The following DCDC2C variants were observed in gnomAD, a reference collection of about 807,000 sequenced individuals.
The protein encoded by DCDC2C is doublecortin domain containing 2C.
In DCDC2C, 44 loss-of-function variants were observed where a neutral mutation model predicts 45.0. That is an observed-to-expected ratio of 0.98 (90% CI 0.77 to 1.26). The LOEUF (loss-of-function observed/expected upper bound fraction) is 1.26. Ranked by LOEUF, DCDC2C falls within the 50% of genes most tolerant of loss-of-function variation. The pLI is 0.00. For missense variants in DCDC2C, 447 were observed against 468.9 expected, an observed-to-expected ratio of 0.95 and a Z score of 0.43; for synonymous variants, 187 against 178.8, an observed-to-expected ratio of 1.05 and a Z score of -0.37.
chr2:3,780,218 G>A (rs1670472178), intron 9 of DCDC2C, among the ~76,000 whole-genome samples: 1 of 152,142 alleles, frequency 6.6e-6, no homozygotes, highest in African/African-American at 2.4e-5. Flanking sequence ...TAGGCTAAGA[G>A]GGGCAAACAA....
At position 3,703,688 on chromosome 2, in the gene DCDC2C, C is replaced by A; in HGVS notation, c.-64C>A. 2.5e-6 allele frequency: 3 copies of A among 1,216,318 alleles called. No individual in the cohort carries two copies. The highest frequency in any genetic ancestry group is 3.1e-6 in the Non-Finnish European group (3 of 976,980). 75.3% of individuals were successfully genotyped at this position (1,216,318 alleles called of 1,614,324 possible). A position where few individuals can be genotyped will look rare whatever the true frequency, so the allele number is the denominator to read the frequency against. ...GTGCCCGGGCCTGGGCGCGGCTCTG[C>A]AGGCGTCGCTGCCCGCGCTGCCGCA... On this transcript the variant is annotated 5_prime_UTR_variant, in exon 1 of 11. Transcript: ENST00000399143. This position sits in a 1 kb window ranked among gnomAD's most constrained non-coding sequence, Gnocchi z 4.4.
chr2:3,738,497 T>C (rs1235901632), intron 3 of DCDC2C, among the ~76,000 whole-genome samples: 1 of 118,610 alleles, frequency 8.4e-6, no homozygotes, highest in East Asian at 3.0e-4. Flanking sequence ...ATATTCAGCA[T>C]CCCACTCCAA....
At chr2:3,726,816 T>C (rs1291771738) in intron 2 of DCDC2C, among the ~76,000 whole-genome samples, 187 bp from the exon 3 acceptor site, 1 of 151,774 alleles carries the variant, frequency 6.6e-6, no homozygotes, top group Non-Finnish European at 1.5e-5. Context: ...CTTGCTGGCA[T>C]CTTCTCCTCC....
chr2:3,727,011 A>C lies in DCDC2C; in HGVS notation c.348A>C (p.Pro116=), dbSNP rs1668708367. The change falls in exon 3 of 11, where the codon CCA becomes CCC. Residue 116 remains proline (P), a synonymous_variant. Transcript: ENST00000399143. ...AKIRKLKEIK[P]VVHCDINVPS... Reference sequence around the variant, plus strand: ...GTTTTTTCCTTTTTCAGATCAAACCAGTGGTGCATTGTGATATAAATGTGC... The same window carrying C: ...GTTTTTTCCTTTTTCAGATCAAACCCGTGGTGCATTGTGATATAAATGTGC... The C allele has an allele frequency of 6.5e-7, 1 of 1,550,374 alleles. No individual in the cohort carries two copies. The highest frequency in any genetic ancestry group is 1.4e-5 in the African/African-American group (1 of 73,040).
intron 10 of DCDC2C, among the ~76,000 whole-genome samples, chr2:3,828,021 T>C (rs1190729146): frequency 6.6e-6 from 1 of 152,244 alleles, no homozygotes; most frequent in Non-Finnish European, 1.5e-5. Flanking sequence ...GCCCTTCCTC[T>C]GCCCTTTCAA....
At chr2:3,780,730 C>T (rs774724293) in intron 9 of DCDC2C, among the ~76,000 whole-genome samples, 28 of 152,278 alleles carry the variant, frequency 1.8e-4, no homozygotes, top group South Asian at 1.7e-3. Context: ...CCTGTCTCCA[C>T]TGCACAGTCG....
At position 3,708,556 on chromosome 2, in the gene DCDC2C, C is replaced by T. The variant is rs191299579; in HGVS notation, c.295C>T (p.His99Tyr). ...TTCTTTCTTCTTTTGCAGTTATATTCATATAGTTCCCCGAAAACCTGCAAA... is the reference window on the plus strand; with the variant it reads ...TTCTTTCTTCTTTTGCAGTTATATTTATATAGTTCCCCGAAAACCTGCAAA... ...RERFKELDYI[H>Y]IVPRKPAKIR... Residue 99 changes from histidine (H) to tyrosine (Y), a missense_variant, in exon 2 of 11, where the codon CAT becomes TAT. Transcript: ENST00000399143. The T allele has an allele frequency of 4.8e-4, 744 of 1,545,796 alleles. 2 individuals carry two copies. The highest frequency in any genetic ancestry group is 3.1e-3 in the Middle Eastern group (18 of 5,834).
chr2:3,718,160 A>G (rs1485371465), intron 2 of DCDC2C, among the ~76,000 whole-genome samples: 2 of 152,182 alleles, frequency 1.3e-5, no homozygotes, highest in East Asian at 1.9e-4. Context: ...TGGGTCCTCT[A>G]TGAATAGGTC....
intron 9 of DCDC2C, 94 bp from the exon 10 acceptor site, chr2:3,784,965 C>T (rs892657928): frequency 5.2e-6 from 5 of 952,788 alleles, no homozygotes; most frequent in Non-Finnish European, 6.8e-6. Flanking sequence ...TTTGACCTCC[C>T]TGAGAGGCAG....
intron 10 of DCDC2C, among the ~76,000 whole-genome samples, chr2:3,843,004 C>T (rs561266447): frequency 2.6e-5 from 4 of 152,324 alleles, no homozygotes; most frequent in African/African-American, 7.2e-5. Flanking sequence ...TGGCCATTGT[C>T]GCCATGCCCT....
At chr2:3,815,281 G>T (rs61651657) in intron 10 of DCDC2C, among the ~76,000 whole-genome samples, 31,757 of 152,074 alleles carry the variant, frequency 0.21, 3,805 homozygotes, top group African/African-American at 0.33. Context: ...TGGGGAGGGG[G>T]CTCCCCTGCC....
At chr2:3,746,390 C>A (rs1015237063) in intron 4 of DCDC2C, among the ~76,000 whole-genome samples, 2 of 152,054 alleles carry the variant, frequency 1.3e-5, no homozygotes, top group African/African-American at 4.8e-5. Context: ...TGGATGGGGA[C>A]GAGCACGACC....
chr2:3,742,736 G>A (rs1274669296), intron 4 of DCDC2C, among the ~76,000 whole-genome samples: 1 of 152,206 alleles, frequency 6.6e-6, no homozygotes. Context: ...TTGCGACAGT[G>A]GATGAGGCAC....
chr2:3,778,115 C>T (rs1354513789), intron 8 of DCDC2C, among the ~76,000 whole-genome samples: 1 of 149,084 alleles, frequency 6.7e-6, no homozygotes, highest in African/African-American at 2.5e-5. Flanking sequence ...TCTTCTCTTC[C>T]TTTGCAGTCA....
intron 10 of DCDC2C, among the ~76,000 whole-genome samples, chr2:3,799,642 C>T (rs534882629): frequency 6.6e-6 from 1 of 152,174 alleles, no homozygotes. Context: ...AGGTGTCAGT[C>T]TGCCCCTGCT....
At chr2:3,708,070 T>C (rs946010624) in intron 1 of DCDC2C, among the ~76,000 whole-genome samples, 3 of 152,154 alleles carry the variant, frequency 2.0e-5, no homozygotes, top group Non-Finnish European at 2.9e-5. Context: ...TGGTGACTCT[T>C]TTCCAGTTTG....
intron 8 of DCDC2C, among the ~76,000 whole-genome samples, chr2:3,774,134 G>A (rs190358325): frequency 7.9e-5 from 12 of 152,228 alleles, no homozygotes; most frequent in Non-Finnish European, 1.8e-4. Context: ...TGGGTAATCT[G>A]TGAATTGTTT....
chr2:3,768,250 T>C (rs1670067222), intron 7 of DCDC2C, among the ~76,000 whole-genome samples: 1 of 152,194 alleles, frequency 6.6e-6, no homozygotes, highest in Non-Finnish European at 1.5e-5. Flanking sequence ...TTTAGGTGTA[T>C]TTTTTGAGTA....
intron 8 of DCDC2C, among the ~76,000 whole-genome samples, chr2:3,775,081 T>C (rs1670294519): frequency 6.6e-6 from 1 of 152,040 alleles, no homozygotes; most frequent in South Asian, 2.1e-4. Context: ...TTTTTTTTTT[T>C]TGGGTGAGGA....
Sources: gnomAD v4.1 joint callset for allele counts (sites outside exome capture counted in the v4.1 genomes callset) on GRCh38, gnomAD v4.1.1 for gene constraint, Gnocchi (gnomAD v3.1) non-coding constraint, MANE v1.5 for transcripts, NCBI Gene and HGNC (gene_info 2026-07-23, HGNC 2026-07-21) for gene names.